Variants in DENND4C observed in about 807,000 individuals in gnomAD.
The protein encoded by DENND4C is DENN domain containing 4C, also known as DENN domain-containing protein 4C.
DENND4C carries 108 observed loss-of-function variants against 203.0 expected under a neutral mutation model. That is an observed-to-expected ratio of 0.53 (90% CI 0.46 to 0.62). DENND4C has a LOEUF of 0.62. Among genes scored for constraint, DENND4C ranks in the 20% least tolerant of loss-of-function variants. The pLI, the probability that DENND4C is intolerant of heterozygous loss-of-function variation, is 0.00. For synonymous variants in DENND4C, 871 were observed against 792.4 expected (o/e 1.10, Z -1.67); for missense variants, 2,481 against 2,301.2 (o/e 1.08, Z -1.60).
intron 1 of DENND4C, among the ~76,000 whole-genome samples, chr9:19,237,923 A>C (rs1822434283): frequency 6.6e-6 from 1 of 152,172 alleles, no homozygotes; most frequent in African/African-American, 2.4e-5. Context: ...TAGGGCTGCC[A>C]GAGTAAATTA....
At chr9:19,336,485 A>G (rs563441490) in intron 19 of DENND4C, 71 bp downstream of exon 19, 84 of 1,517,390 alleles carry the variant, frequency 5.5e-5, no homozygotes, top group African/African-American at 3.4e-4. Context: ...ATTTTTAGCT[A>G]TGTGAAGTAG....
intron 1 of DENND4C, among the ~76,000 whole-genome samples, chr9:19,249,980 TC>T (rs1447856643): frequency 6.6e-6 from 1 of 152,136 alleles, no homozygotes; most frequent in Non-Finnish European, 1.5e-5. Context: ...TTTTCTCAAC[TC>T]TTTATGTCAA....
At chr9:19,285,549 C>G (rs1452200687) in intron 2 of DENND4C, among the ~76,000 whole-genome samples, 1 of 148,714 alleles carries the variant, frequency 6.7e-6, no homozygotes, top group East Asian at 2.0e-4. Flanking sequence ...TTCTTAAAAA[C>G]TGAATCACTG....
At chr9:19,323,001 T>G (rs1165872480) in intron 12 of DENND4C, among the ~76,000 whole-genome samples, 1 of 151,974 alleles carries the variant, frequency 6.6e-6, no homozygotes, top group Non-Finnish European at 1.5e-5. Context: ...GAGCATAGGA[T>G]CACTGAAAAT....
In DENND4C at chr9:19,373,449, T is replaced by G. The variant is rs1017953266; in HGVS notation, c.*1276T>G. The G allele has an allele frequency of 6.6e-6, 1 of 152,650 alleles. No homozygotes were observed. The highest frequency in any genetic ancestry group is 1.5e-5 in the Non-Finnish European group (1 of 68,026). 9.5% of individuals were successfully genotyped at this position (152,650 alleles called of 1,614,324 possible). A position where few individuals can be genotyped will look rare whatever the true frequency, so the allele number is the denominator to read the frequency against. ...ACATACATTGTTGGTATTGATGACT[T>G]TTTAAAACCTGTGGGATAAACTTGC... On this transcript the variant is annotated 3_prime_UTR_variant, in exon 33 of 33. Transcript: ENST00000434457.
At chr9:19,318,790 A>C (rs143003073) in intron 12 of DENND4C, among the ~76,000 whole-genome samples, 305 of 152,294 alleles carry the variant, frequency 2.0e-3, no homozygotes, top group African/African-American at 6.9e-3. Flanking sequence ...TCTACCCAAT[A>C]ATCCTCATTT....
At chr9:19,325,847 G>A in intron 13 of DENND4C, 92 bp from the exon 14 acceptor site, 1 of 1,205,548 alleles carries the variant, frequency 8.3e-7, no homozygotes, top group Admixed American at 2.2e-5. Flanking sequence ...CTGAAAAGGG[G>A]TAGTTTTTTT....
At chr9:19,260,424 A>C (rs1044315727) in intron 1 of DENND4C, among the ~76,000 whole-genome samples, 2 of 92,980 alleles carry the variant, frequency 2.2e-5, no homozygotes, top group Non-Finnish European at 4.6e-5. Flanking sequence ...TTGAGATGGA[A>C]TCTTGCTGTG....
At chr9:19,308,369 G>A (rs540803059) in intron 10 of DENND4C, among the ~76,000 whole-genome samples, 1 of 152,290 alleles carries the variant, frequency 6.6e-6, no homozygotes, top group South Asian at 2.1e-4. Context: ...TTACCAATTT[G>A]ATGGTAATGG....
chr9:19,266,042 CA>C (rs1403180174), intron 1 of DENND4C, among the ~76,000 whole-genome samples: 3 of 152,188 alleles, frequency 2.0e-5, no homozygotes, highest in African/African-American at 7.2e-5. Flanking sequence ...CTGTCTTCCA[CA>C]ATGGTTGAAC....
chr9:19,309,346 C>T (rs574973204), intron 10 of DENND4C, among the ~76,000 whole-genome samples: 3 of 151,380 alleles, frequency 2.0e-5, no homozygotes, highest in Admixed American at 2.0e-4. Flanking sequence ...TGCTTGAACC[C>T]AGGAGGCAGA....
At chr9:19,262,473 C>T (rs570468194) in intron 1 of DENND4C, among the ~76,000 whole-genome samples, 2 of 137,224 alleles carry the variant, frequency 1.5e-5, no homozygotes, top group East Asian at 3.9e-4. Flanking sequence ...AGACAGTCAC[C>T]CAGGCTGGAG....
intron 1 of DENND4C, among the ~76,000 whole-genome samples, chr9:19,262,004 A>G (rs1442846644): frequency 6.6e-6 from 1 of 150,376 alleles, no homozygotes; most frequent in African/African-American, 2.4e-5. Flanking sequence ...TTGTTGACAT[A>G]TGGAAATACT....
intron 1 of DENND4C, among the ~76,000 whole-genome samples, chr9:19,235,868 G>A (rs540471861): frequency 6.6e-6 from 1 of 151,850 alleles, no homozygotes; most frequent in Non-Finnish European, 1.5e-5. Flanking sequence ...AAAGTGCTGG[G>A]ATTACAGGTG....
intron 31 of DENND4C, 78 bp downstream of exon 31, chr9:19,370,065 T>C: frequency 6.5e-7 from 1 of 1,527,266 alleles, no homozygotes; most frequent in Admixed American, 1.7e-5. Context: ...TTTAAAAATA[T>C]CTCTAGTTGT....
At chr9:19,235,616 T>G (rs1166209329) in intron 1 of DENND4C, among the ~76,000 whole-genome samples, 1 of 146,600 alleles carries the variant, frequency 6.8e-6, no homozygotes, top group Non-Finnish European at 1.5e-5. Context: ...CATCTTTTTT[T>G]TTTTTTTTTT....
intron 1 of DENND4C, among the ~76,000 whole-genome samples, chr9:19,262,181 A>G (rs1829548800): frequency 7.7e-6 from 1 of 130,564 alleles, no homozygotes; most frequent in African/African-American, 2.9e-5. Context: ...CCACCTCCTG[A>G]GTTCAGGGGA....
intron 1 of DENND4C, among the ~76,000 whole-genome samples, chr9:19,252,382 T>C (rs1467520563): frequency 1.3e-5 from 2 of 151,944 alleles, no homozygotes; most frequent in Non-Finnish European, 2.9e-5. Context: ...CAAGATAAGA[T>C]TTGGGTGGGA....
intron 1 of DENND4C, among the ~76,000 whole-genome samples, chr9:19,257,990 T>A (rs1322918329): frequency 6.6e-6 from 1 of 152,070 alleles, no homozygotes; most frequent in Non-Finnish European, 1.5e-5. Flanking sequence ...TGGTGGTTCA[T>A]GTCCACGGTA....
Sources: allele counts gnomAD v4.1 joint callset (sites outside exome capture counted in the v4.1 genomes callset), GRCh38; gene constraint gnomAD v4.1.1; transcripts MANE v1.5; gene names NCBI Gene and HGNC (gene_info 2026-07-23, HGNC 2026-07-21).